Variants in PAFAH1B1 observed in about 807,000 individuals in gnomAD.
PAFAH1B1 encodes platelet activating factor acetylhydrolase 1b regulatory subunit 1, also known as platelet-activating factor acetylhydrolase IB subunit beta.
In PAFAH1B1, 2 loss-of-function variants were observed where a neutral mutation model predicts 57.5. That is an observed-to-expected ratio of 0.03 (90% CI 0.01 to 0.11). The LOEUF is 0.11. Ranked by LOEUF, PAFAH1B1 falls within the 10% of genes least tolerant of loss-of-function variation. PAFAH1B1 has a pLI of 1.00. For missense variants in PAFAH1B1, 257 were observed against 512.0 expected (o/e 0.50, Z 4.81); for synonymous variants, 152 against 169.6 (o/e 0.90, Z 0.81).
In PAFAH1B1 at chr17:2,593,920, TCCCTCCCCTCTCCCTCC is replaced by T. The variant is rs1391247384; in HGVS notation, c.-268_-252del. 2.7e-5 allele frequency: 3 copies of T among 111,618 alleles called. No homozygotes were observed. Among genetic ancestry groups the T allele is most frequent in the Non-Finnish European group, 5.2e-5 (3 of 57,704 alleles). The allele number at this position is 111,618 out of a possible 1,614,324, so 6.9% of individuals were successfully genotyped here. On this transcript the variant is annotated 5_prime_UTR_variant, in exon 1 of 11. Transcript: ENST00000397195. ...CCTCCTTCCCTCCCTCCCTCCTTCCTCCCTCCCCTCTCCCTCCCCCTCCCCCGCCGGTGGATGGGAGT... is the reference window on the plus strand; with the variant it reads ...CCTCCTTCCCTCCCTCCCTCCTTCCTCCCTCCCCCGCCGGTGGATGGGAGT...
rs561439232 is a variant in PAFAH1B1, at chr17:2,647,128, T to TC, written c.32+8809dup. Among the ~76,000 whole-genome samples the TC allele has an allele frequency of 7.2e-5, 11 of 152,242 alleles. No individual in the cohort carries two copies. The South Asian group carries it at 2.3e-3, about 32-fold the overall frequency. ...ACTTTGGGAGGCTGAGGCAGGTGGA[T>TC]CACCTGAGGTCAGGAGTTCAAGGCC... is the stretch of plus-strand genomic sequence containing the variant. On this transcript the variant is annotated intron_variant, in intron 2 of 10. Transcript: ENST00000397195.
chr17:2,618,482 A>G (rs2068376028), intron 1 of PAFAH1B1, among the ~76,000 whole-genome samples: 1 of 152,136 alleles, frequency 6.6e-6, no homozygotes, highest in Non-Finnish European at 1.5e-5. Flanking sequence ...AGTTACTCTT[A>G]CGGAGTATTT....
chr17:2,628,787 C>A (rs2068522867), intron 1 of PAFAH1B1, among the ~76,000 whole-genome samples: 1 of 152,156 alleles, frequency 6.6e-6, no homozygotes, highest in East Asian at 1.9e-4. Context: ...GTCTGTTCAG[C>A]GTATCTAATT....
intron 2 of PAFAH1B1, among the ~76,000 whole-genome samples, chr17:2,644,098 A>C (rs1597547181): frequency 6.8e-6 from 1 of 148,046 alleles, no homozygotes; most frequent in Non-Finnish European, 1.5e-5. Context: ...CGGTGGTCTC[A>C]CTCTTGGGCC....
At chr17:2,616,791 C>T (rs1334617156) in intron 1 of PAFAH1B1, among the ~76,000 whole-genome samples, 1 of 152,060 alleles carries the variant, frequency 6.6e-6, no homozygotes, top group African/African-American at 2.4e-5. Context: ...AGACCGGGTG[C>T]AGTGGCTCAC....
Position 2,670,253 on chromosome 17 carries a change from C to T in PAFAH1B1, c.490C>T (p.Leu164Phe). 1 of 1,614,152 alleles carries T rather than the reference C, an allele frequency of 6.2e-7. No individual in the cohort carries two copies. Among genetic ancestry groups the T allele is most frequent in the East Asian group, 2.2e-5 (1 of 44,886 alleles). Reference protein sequence around the residue: ...QDISFDHSGKLLASCSADMTI... With the variant: ...QDISFDHSGKFLASCSADMTI... ...CATTTCATTCGACCACAGCGGCAAG[C>T]TTCTGGCTTCCTGTTCTGCAGATAT... Residue 164 changes from leucine to phenylalanine, a missense_variant, in exon 6 of 11, where the codon CTT becomes TTT. Physicochemically the swap from Leu to Phe is conservative, Grantham distance 22 (BLOSUM62 0). Coordinates refer to ENST00000397195, the MANE Select transcript of PAFAH1B1 (RefSeq NM_000430.4).
At chr17:2,637,734 C>T (rs2068642167) in intron 1 of PAFAH1B1, among the ~76,000 whole-genome samples, 1 of 152,118 alleles carries the variant, frequency 6.6e-6, no homozygotes, top group African/African-American at 2.4e-5. Context: ...ATCTGTTTTA[C>T]CTTTTATACC....
intron 1 of PAFAH1B1, among the ~76,000 whole-genome samples, chr17:2,608,343 C>G (rs1210243161): frequency 6.6e-6 from 1 of 152,192 alleles, no homozygotes; most frequent in Non-Finnish European, 1.5e-5. Flanking sequence ...CTCAGCCTCT[C>G]AAAGTGCTGG....
chr17:2,635,953 CAAAAAAAAAA>C (rs560825633), intron 1 of PAFAH1B1, among the ~76,000 whole-genome samples: 1 of 70,874 alleles, frequency 1.4e-5, no homozygotes, highest in Admixed American at 1.5e-4. Context: ...TAGAAAAATA[CAAAAAAAAAA>C]AAAAAAAAAA....
intron 2 of PAFAH1B1, among the ~76,000 whole-genome samples, chr17:2,665,012 A>G (rs188836747): frequency 5.3e-5 from 8 of 152,320 alleles, no homozygotes; most frequent in Admixed American, 3.3e-4. Flanking sequence ...GACTAAATGT[A>G]AATGTTAGCA....
intron 2 of PAFAH1B1, chr17:2,639,522 G>A (rs1184450123): frequency 6.6e-6 from 1 of 151,904 alleles, no homozygotes; most frequent in Non-Finnish European, 1.5e-5. Flanking sequence ...AACATAGGGG[G>A]ATTTTCCACT....
intron 1 of PAFAH1B1, among the ~76,000 whole-genome samples, chr17:2,612,451 G>T (rs1352788529): frequency 6.6e-6 from 1 of 151,784 alleles, no homozygotes; most frequent in Non-Finnish European, 1.5e-5. Context: ...CAGGTGATCT[G>T]CCCGCCTCAG....
intron 1 of PAFAH1B1, among the ~76,000 whole-genome samples, chr17:2,605,861 A>G (rs971660834): frequency 6.6e-6 from 1 of 152,300 alleles, no homozygotes; most frequent in Middle Eastern, 3.4e-3. Flanking sequence ...AAATATTGTT[A>G]TTATGGTGAT....
chr17:2,646,179 A>C (rs1055985732), intron 2 of PAFAH1B1, among the ~76,000 whole-genome samples: 3 of 152,184 alleles, frequency 2.0e-5, no homozygotes, highest in Non-Finnish European at 4.4e-5. Flanking sequence ...TAAAATAGAA[A>C]ATAGTCCAGT....
At chr17:2,637,370 T>A (rs1312825067) in intron 1 of PAFAH1B1, among the ~76,000 whole-genome samples, 1 of 152,062 alleles carries the variant, frequency 6.6e-6, no homozygotes, top group Non-Finnish European at 1.5e-5. Context: ...GAGGATCCCA[T>A]GAATACAGGA....
chr17:2,594,398 G>C (rs541866159), intron 1 of PAFAH1B1, among the ~76,000 whole-genome samples: 30 of 152,198 alleles, frequency 2.0e-4, no homozygotes, highest in Non-Finnish European at 3.8e-4. Context: ...GGACCAGGTA[G>C]CTCTCTGATC....
chr17:2,598,489 A>G (rs1468990877), intron 1 of PAFAH1B1, among the ~76,000 whole-genome samples: 2 of 151,952 alleles, frequency 1.3e-5, no homozygotes, highest in East Asian at 1.9e-4. Context: ...ATATTTCATT[A>G]TGACAGGTAA....
chr17:2,617,067 C>T (rs1008722901), intron 1 of PAFAH1B1, among the ~76,000 whole-genome samples: 47 of 151,836 alleles, frequency 3.1e-4, no homozygotes, highest in African/African-American at 1.1e-3. Flanking sequence ...AACGAGACTC[C>T]GTCTCAAAAA....
chr17:2,684,546 C>G lies in PAFAH1B1; in HGVS notation c.*2744C>G, dbSNP rs1186315017. ...GTGTGTGTGTGTGAAAACAGACATT[C>G]CAGTGCCACCCAAATATATATCTGT... On this transcript the variant is annotated 3_prime_UTR_variant, in exon 11 of 11. Coordinates refer to ENST00000397195, the MANE Select transcript of PAFAH1B1 (RefSeq NM_000430.4). The G allele has an allele frequency of 6.6e-6, 1 of 152,576 alleles. No individual in the cohort carries two copies. The highest frequency in any genetic ancestry group is 1.5e-5 in the Non-Finnish European group (1 of 68,020). The allele number at this position is 152,576 out of a possible 1,614,324, so 9.5% of individuals were successfully genotyped here. A position where few individuals can be genotyped will look rare whatever the true frequency, so the allele number is the denominator to read the frequency against.
Sources: allele counts gnomAD v4.1 joint callset (sites outside exome capture counted in the v4.1 genomes callset), GRCh38; gene constraint gnomAD v4.1.1; transcripts MANE v1.5; gene names NCBI Gene and HGNC (gene_info 2026-07-23, HGNC 2026-07-21).